STK32A: variants seen among roughly 807,000 people sequenced by gnomAD.
The protein encoded by STK32A is serine/threonine kinase 32A.
Under a neutral mutation model 53.2 loss-of-function variants are expected in STK32A, and 41 were observed. That is an observed-to-expected ratio of 0.77 (90% CI 0.60 to 1.00). The LOEUF (loss-of-function observed/expected upper bound fraction) is 1.00, where lower values mean the gene tolerates loss of function less well. Among genes scored for constraint, STK32A ranks in the 50% least tolerant of loss-of-function variants. The pLI, the probability that STK32A is intolerant of heterozygous loss-of-function variation, is 0.00. For synonymous variants in STK32A, 166 were observed against 162.8 expected (o/e 1.02, Z -0.15); for missense variants, 458 against 485.8 (o/e 0.94, Z 0.54).
intron 6 of STK32A, 45 bp from the exon 7 acceptor site, chr5:147,351,020 G>T (rs774347299): frequency 8.4e-6 from 13 of 1,552,548 alleles, no homozygotes; most frequent in Non-Finnish European, 1.1e-5. Context: ...GTGCCACTGG[G>T]TTGAATGGGA....
chr5:147,329,444 TG>T (rs988216848), intron 5 of STK32A, among the ~76,000 whole-genome samples: 48 of 152,358 alleles, frequency 3.2e-4, no homozygotes, highest in African/African-American at 1.0e-3. Context: ...GCCAGTGTTC[TG>T]AATGCCAGGC....
chr5:147,348,833 C>T (rs72831396), intron 6 of STK32A: 183,740 of 706,248 alleles, frequency 0.26, 25,796 homozygotes, highest in Middle Eastern at 0.37. Context: ...TTGCCAAATG[C>T]TGTGCTAAGT....
At chr5:147,400,370 A>C in the STK32A span, among the ~76,000 whole-genome samples, 1 of 152,212 alleles carries the variant, frequency 6.6e-6, no homozygotes, top group Non-Finnish European at 1.5e-5. Flanking sequence ...GAAGTCATAA[A>C]ACTATCCAAA....
At chr5:147,279,631 T>C (rs1049721475) in intron 4 of STK32A, among the ~76,000 whole-genome samples, 18 of 151,906 alleles carry the variant, frequency 1.2e-4, no homozygotes, top group African/African-American at 4.1e-4. Flanking sequence ...GCGAATGTCA[T>C]GTAAGGGGGG....
chr5:147,301,917 C>CT (rs1339276135), intron 4 of STK32A, among the ~76,000 whole-genome samples: 1 of 152,144 alleles, frequency 6.6e-6, no homozygotes, highest in African/African-American at 2.4e-5. Flanking sequence ...ATCTTCAAAG[C>CT]CAGCAGCATA....
chr5:147,261,216 T>A (rs565571584), intron 2 of STK32A, among the ~76,000 whole-genome samples: 1 of 152,184 alleles, frequency 6.6e-6, no homozygotes, highest in Non-Finnish European at 1.5e-5. Context: ...AAAGTTTTAG[T>A]GCCACAAAAG....
chr5:147,255,465 T>A (rs1202214226), intron 2 of STK32A, among the ~76,000 whole-genome samples: 1 of 152,144 alleles, frequency 6.6e-6, no homozygotes, highest in Non-Finnish European at 1.5e-5. Flanking sequence ...GAAGTAAGAA[T>A]TGAGGCTATT....
intron 6 of STK32A, among the ~76,000 whole-genome samples, chr5:147,349,734 T>A (rs1483514581): frequency 6.6e-6 from 1 of 152,158 alleles, no homozygotes; most frequent in Non-Finnish European, 1.5e-5. Flanking sequence ...ACTTAGAGTC[T>A]ACTATGTGTT....
chr5:147,239,369 G>A (rs753481771), intron 1 of STK32A, among the ~76,000 whole-genome samples, 170 bp from the exon 2 acceptor site: 7 of 152,150 alleles, frequency 4.6e-5, no homozygotes, highest in Non-Finnish European at 1.0e-4. Flanking sequence ...GAGCCATGCA[G>A]TGTTTTCTCC....
chr5:147,322,021 A>G (rs1395451637), intron 4 of STK32A, among the ~76,000 whole-genome samples: 1 of 152,198 alleles, frequency 6.6e-6, no homozygotes, highest in Non-Finnish European at 1.5e-5. Flanking sequence ...GGTCCCAGAT[A>G]TGATTACAGT....
intron 4 of STK32A, among the ~76,000 whole-genome samples, chr5:147,292,245 T>C (rs916825542): frequency 3.3e-5 from 5 of 152,322 alleles, no homozygotes; most frequent in African/African-American, 1.2e-4. Flanking sequence ...AGTTTGGTCA[T>C]ATCTGAAAGT....
intron 2 of STK32A, among the ~76,000 whole-genome samples, chr5:147,254,318 T>C (rs190257929): frequency 1.3e-5 from 2 of 152,318 alleles, no homozygotes; most frequent in Non-Finnish European, 2.9e-5. Context: ...TACATACTCT[T>C]TTCAAGTCTT....
chr5:147,374,794 A>T (rs1228453430), intron 10 of STK32A, among the ~76,000 whole-genome samples: 2 of 152,192 alleles, frequency 1.3e-5, no homozygotes, highest in Non-Finnish European at 2.9e-5. Context: ...GAGTTACATG[A>T]TTATTAGAGC....
In STK32A at chr5:147,383,897, A is replaced by C; in HGVS notation, c.1105A>C (p.Arg369=). The part of the protein sequence containing the change: ...FIIFNREKVN[R]DFNKRQPNLA... ...TTTTCTTTTCTTTTTAAGAGTAAACAGGGACTTTAACAAAAGACAACCAAA... is the reference window on the plus strand; with the variant it reads ...TTTTCTTTTCTTTTTAAGAGTAAACCGGGACTTTAACAAAAGACAACCAAA... The change falls in exon 13 of 13, where the codon AGG becomes CGG. Residue 369 remains arginine (R), a synonymous_variant. Coordinates refer to ENST00000397936, the MANE Select transcript of STK32A (RefSeq NM_001112724.2). 1.3e-6 allele frequency: 2 copies of C among 1,550,436 alleles called. No homozygotes were observed. The highest frequency in any genetic ancestry group is 1.8e-6 in the Non-Finnish European group (2 of 1,132,292).
intron 2 of STK32A, among the ~76,000 whole-genome samples, chr5:147,249,115 T>C: frequency 6.6e-6 from 1 of 152,052 alleles, no homozygotes; most frequent in Non-Finnish European, 1.5e-5. Flanking sequence ...GTAATAAGCA[T>C]CCCATAAACT....
chr5:147,395,819 G>C, the STK32A span: 4 of 1,378,772 alleles, frequency 2.9e-6, 1 homozygote, highest in East Asian at 4.7e-5. Flanking sequence ...TGTGTGGTGG[G>C]AGCTAGGAAT....
chr5:147,384,280 T>C lies in STK32A; in HGVS notation c.*297T>C. The C allele has an allele frequency of 2.2e-6, 3 of 1,342,056 alleles. No homozygotes were observed. The highest frequency in any genetic ancestry group is 2.0e-6 in the Non-Finnish European group (2 of 1,015,412). 83.1% of individuals were successfully genotyped at this position (1,342,056 alleles called of 1,614,324 possible). On this transcript the variant is annotated 3_prime_UTR_variant, in exon 13 of 13. Transcript: ENST00000397936. The stretch of plus-strand genomic sequence containing the variant: ...CTAGACGAGCCATACCCTGCCTTTT[T>C]AGTGCTATAGTTGTTATTCTAAACC...
intron 5 of STK32A, among the ~76,000 whole-genome samples, chr5:147,332,480 ATTATCTGATTAC>A (rs893875893): frequency 1.4e-4 from 21 of 152,238 alleles, no homozygotes; most frequent in African/African-American, 4.6e-4. Flanking sequence ...AAGTCTAAAA[ATTATCTGATTAC>A]TTATATTGTA....
intron 7 of STK32A, among the ~76,000 whole-genome samples, chr5:147,360,006 A>T (rs1756422518): frequency 6.6e-6 from 1 of 152,166 alleles, no homozygotes; most frequent in Admixed American, 6.5e-5. Flanking sequence ...GAGGCTTGGG[A>T]TCAACCATAC....
Sources: allele counts gnomAD v4.1 joint callset (sites outside exome capture counted in the v4.1 genomes callset), GRCh38; gene constraint gnomAD v4.1.1; transcripts MANE v1.5; gene names NCBI Gene and HGNC (gene_info 2026-07-23, HGNC 2026-07-21).